Variants in LINGO2 observed in about 807,000 individuals in gnomAD.
The protein encoded by LINGO2 is leucine-rich repeat and immunoglobulin-like domain-containing nogo receptor-interacting protein 2.
LINGO2 carries 14 observed loss-of-function variants against 30.6 expected under a neutral mutation model. The ratio of observed to expected loss-of-function variants is 0.46; its 90% CI spans 0.30 to 0.72. LINGO2 has a LOEUF of 0.72. LINGO2 is among the 30% of genes least tolerant of loss of function. LINGO2 has a pLI of 0.07. For synonymous variants in LINGO2, 317 were observed against 288.5 expected (o/e 1.10, Z -1.00); for missense variants, 729 against 751.7 (o/e 0.97, Z 0.35).
intron 1 of LINGO2, among the ~76,000 whole-genome samples, chr9:28,612,573 T>A (rs113900825): frequency 1.3e-5 from 2 of 152,172 alleles, no homozygotes; most frequent in Non-Finnish European, 2.9e-5. Flanking sequence ...CAGTCTTGCA[T>A]GGGGCTTGTA....
chr9:28,061,846 G>C (rs1825154237), intron 4 of LINGO2, among the ~76,000 whole-genome samples: 1 of 152,030 alleles, frequency 6.6e-6, no homozygotes, highest in Non-Finnish European at 1.5e-5. Context: ...TCAAGCCCCA[G>C]TTTTCACATC....
At chr9:28,776,811 C>A in the LINGO2 span, among the ~76,000 whole-genome samples, 1 of 151,612 alleles carries the variant, frequency 6.6e-6, no homozygotes, top group Non-Finnish European at 1.5e-5. Context: ...TATATAGAAC[C>A]CCAGTCACAC....
intron 1 of LINGO2, among the ~76,000 whole-genome samples, chr9:28,566,529 C>T (rs1823390850): frequency 6.6e-6 from 1 of 152,096 alleles, no homozygotes; most frequent in African/African-American, 2.4e-5. Flanking sequence ...CATTTGTGTG[C>T]AGATTACCAC....
intron 4 of LINGO2, among the ~76,000 whole-genome samples, chr9:28,047,175 T>A (rs551660160): frequency 6.6e-6 from 1 of 152,262 alleles, no homozygotes; most frequent in South Asian, 2.1e-4. Flanking sequence ...AGGGTGGAGA[T>A]GTACTTCGTC....
the LINGO2 span, among the ~76,000 whole-genome samples, chr9:29,183,093 A>C: frequency 6.6e-6 from 1 of 152,186 alleles, no homozygotes; most frequent in Admixed American, 6.5e-5. Flanking sequence ...TCATATTACC[A>C]GAAAGAAAAT....
At chr9:28,965,501 G>C in the LINGO2 span, among the ~76,000 whole-genome samples, 1 of 151,832 alleles carries the variant, frequency 6.6e-6, no homozygotes, top group South Asian at 2.1e-4. Flanking sequence ...TGTTTCCTTC[G>C]CATTGTAAGT....
chr9:28,750,336 G>A, the LINGO2 span, among the ~76,000 whole-genome samples: 2 of 152,120 alleles, frequency 1.3e-5, no homozygotes, highest in Non-Finnish European at 1.5e-5. Context: ...CGTAAGCCAA[G>A]ATTCTATTTT....
At chr9:29,193,533 A>C in the LINGO2 span, among the ~76,000 whole-genome samples, 2 of 152,228 alleles carry the variant, frequency 1.3e-5, no homozygotes, top group East Asian at 3.9e-4. Flanking sequence ...TTGAGGTATT[A>C]ATAATAAGTA....
At chr9:28,525,757 T>C (rs1026319214) in intron 1 of LINGO2, among the ~76,000 whole-genome samples, 33 of 152,086 alleles carry the variant, frequency 2.2e-4, no homozygotes, top group African/African-American at 7.5e-4. Context: ...AATATGTTTT[T>C]TAAAACGCCA....
chr9:28,047,182 C>T (rs1329880701), intron 4 of LINGO2, among the ~76,000 whole-genome samples: 1 of 152,086 alleles, frequency 6.6e-6, no homozygotes, highest in African/African-American at 2.4e-5. Flanking sequence ...AGATGTACTT[C>T]GTCTTTCGGC....
At chr9:28,942,348 T>A in the LINGO2 span, among the ~76,000 whole-genome samples, 3 of 152,314 alleles carry the variant, frequency 2.0e-5, no homozygotes, top group East Asian at 1.9e-4. Context: ...GAGAAGCAAG[T>A]GCTCAGAAGT....
At chr9:28,619,803 C>G (rs545508117) in intron 1 of LINGO2, among the ~76,000 whole-genome samples, 4 of 152,070 alleles carry the variant, frequency 2.6e-5, no homozygotes, top group Admixed American at 6.5e-5. Flanking sequence ...AAACACAAAG[C>G]CAAAATTAAT....
the LINGO2 span, among the ~76,000 whole-genome samples, chr9:29,159,479 A>G: frequency 1.4e-4 from 21 of 152,324 alleles, no homozygotes; most frequent in African/African-American, 4.8e-4. Context: ...GACATTATAA[A>G]ACTCCTAAAA....
intron 5 of LINGO2, among the ~76,000 whole-genome samples, chr9:27,975,588 T>C (rs1820555276): frequency 6.6e-6 from 1 of 152,148 alleles, no homozygotes; most frequent in Non-Finnish European, 1.5e-5. Context: ...TGGACCCTAC[T>C]TCTTTGAATG....
the LINGO2 span, among the ~76,000 whole-genome samples, chr9:28,738,230 C>T: frequency 6.6e-6 from 1 of 152,072 alleles, no homozygotes; most frequent in South Asian, 2.1e-4. Context: ...TTTCAGCCTT[C>T]CTGAAATCCT....
At chr9:28,668,451 AT>A (rs1021301152) in intron 1 of LINGO2, among the ~76,000 whole-genome samples, 4 of 151,862 alleles carry the variant, frequency 2.6e-5, no homozygotes, top group Non-Finnish European at 5.9e-5. Context: ...TATGGATTTG[AT>A]TTTTTTTAAA....
chr9:28,020,131 G>A lies in LINGO2; in HGVS notation c.-86-7726C>T, dbSNP rs111299569. ...TCCAGTCTGAATGAGCCATCTCTGC[G>A]TTAACATTTAGCACACAGCATGCAA... On this transcript the variant is annotated intron_variant, in intron 4 of 5. Transcript: ENST00000379992. Among the ~76,000 whole-genome samples the A allele has an allele frequency of 9.4e-4, 143 of 152,242 alleles. 1 individual carries two copies. The highest frequency in any genetic ancestry group is 2.1e-3 in the African/African-American group (89 of 41,534).
At chr9:28,054,165 G>A (rs1291016341) in intron 4 of LINGO2, among the ~76,000 whole-genome samples, 1 of 152,050 alleles carries the variant, frequency 6.6e-6, no homozygotes, top group Non-Finnish European at 1.5e-5. Context: ...TTAGCCTGTT[G>A]TACATTTATT....
At chr9:28,592,227 AG>A (rs1476695171) in intron 1 of LINGO2, among the ~76,000 whole-genome samples, 1 of 152,130 alleles carries the variant, frequency 6.6e-6, no homozygotes, top group Non-Finnish European at 1.5e-5. Flanking sequence ...AGTATTAAAA[AG>A]GTACTATGTA....
Sources: allele counts gnomAD v4.1 joint callset (sites outside exome capture counted in the v4.1 genomes callset), GRCh38; gene constraint gnomAD v4.1.1; transcripts MANE v1.5; gene names NCBI Gene and HGNC (gene_info 2026-07-23, HGNC 2026-07-21).